Variants in ZNF536 observed in about 807,000 individuals in gnomAD.
The protein encoded by ZNF536 is zinc finger protein 536.
In ZNF536, 13 loss-of-function variants were observed where a neutral mutation model predicts 84.5. That is an observed-to-expected ratio of 0.15 (90% CI 0.10 to 0.24). The LOEUF (loss-of-function observed/expected upper bound fraction) is 0.24, where lower values mean the gene tolerates loss of function less well. Ranked by LOEUF, ZNF536 falls within the 10% of genes least tolerant of loss-of-function variation. The probability of loss-of-function intolerance (pLI) is 1.00; values close to 1 mark genes in which losing one functional copy is unlikely to be tolerated. For missense variants in ZNF536, 1,536 were observed against 1,747.5 expected (o/e 0.88, Z 2.16); for synonymous variants, 811 against 742.5 (o/e 1.09, Z -1.50).
At chr19:30,387,154 G>C (rs1411694809) in intron 1 of ZNF536, among the ~76,000 whole-genome samples, 1 of 152,184 alleles carries the variant, frequency 6.6e-6, no homozygotes, top group South Asian at 2.1e-4. Context: ...CTCACTCATG[G>C]GCTCCAATGT....
At chr19:30,611,405 T>TTA (rs1490281891) in intron 1 of ZNF536, among the ~76,000 whole-genome samples, 1 of 152,168 alleles carries the variant, frequency 6.6e-6, no homozygotes, top group Non-Finnish European at 1.5e-5. Flanking sequence ...CTTATACTCC[T>TTA]TATTATATTG....
At chr19:30,632,610 C>CCAACCAAT (rs1001023067) in intron 1 of ZNF536, among the ~76,000 whole-genome samples, 1 of 148,016 alleles carries the variant, frequency 6.8e-6, no homozygotes, top group African/African-American at 2.5e-5. Context: ...CATCTCAAAA[C>CCAACCAAT]CAACCAATCA....
intron 1 of ZNF536, among the ~76,000 whole-genome samples, chr19:30,660,917 CGCA>C (rs2050099963): frequency 6.6e-6 from 1 of 152,164 alleles, no homozygotes; most frequent in Admixed American, 6.5e-5. Context: ...ATACATGCTC[CGCA>C]GCAGCCTTCT....
At chr19:30,673,746 G>A (rs756698383) in intron 1 of ZNF536, among the ~76,000 whole-genome samples, 2 of 152,158 alleles carry the variant, frequency 1.3e-5, no homozygotes, top group Admixed American at 1.3e-4. Flanking sequence ...AACCGTGCAC[G>A]GACGCACGTC....
chr19:30,590,341 G>C (rs1568581154), intron 1 of ZNF536, among the ~76,000 whole-genome samples: 1 of 152,214 alleles, frequency 6.6e-6, no homozygotes, highest in Non-Finnish European at 1.5e-5. Context: ...TTATGGTCAA[G>C]CTTGTTCCTC....
At chr19:30,683,552 T>A (rs1025798048) in intron 1 of ZNF536, among the ~76,000 whole-genome samples, 5 of 141,830 alleles carry the variant, frequency 3.5e-5, no homozygotes, top group African/African-American at 5.7e-5. Context: ...CCTGAGCGGA[T>A]TTTTTTTTTT....
intron 1 of ZNF536, among the ~76,000 whole-genome samples, chr19:30,643,770 G>C (rs192831785): frequency 3.9e-5 from 6 of 152,060 alleles, no homozygotes; most frequent in African/African-American, 1.4e-4. Flanking sequence ...TGGGAGTTGC[G>C]TTGGGGGGTG....
chr19:30,463,349 C>G (rs2053242506), intron 2 of ZNF536, among the ~76,000 whole-genome samples: 3 of 152,154 alleles, frequency 2.0e-5, no homozygotes, highest in Admixed American at 2.0e-4. Context: ...GGTGGAAGAT[C>G]TGGCTTTTGG....
chr19:30,449,635 C>A (rs1345834496), intron 2 of ZNF536, among the ~76,000 whole-genome samples: 2 of 152,018 alleles, frequency 1.3e-5, no homozygotes, highest in African/African-American at 2.4e-5. Context: ...ATGCATTGAC[C>A]CTCTGTTCAT....
At chr19:30,432,950 T>C (rs534854587) in intron 1 of ZNF536, among the ~76,000 whole-genome samples, 3 of 152,172 alleles carry the variant, frequency 2.0e-5, no homozygotes, top group Admixed American at 6.5e-5. Context: ...GATGAGGCTC[T>C]CCCTGGCAGT....
chr19:30,293,499 T>C (rs1010951181), intron 2 of ZNF536, among the ~76,000 whole-genome samples: 2 of 152,170 alleles, frequency 1.3e-5, no homozygotes, highest in Admixed American at 6.5e-5. Flanking sequence ...CCTTTTATGT[T>C]TGGGAATGCA....
chr19:30,554,631 A>G (rs1042074401), intron 4 of ZNF536: 5 of 152,230 alleles, frequency 3.3e-5, no homozygotes, highest in African/African-American at 1.2e-4. Context: ...AGAGAATAAA[A>G]GTGTTGGCTC....
At chr19:30,370,163 C>G (rs1023085811), upstream of ZNF536, among the ~76,000 whole-genome samples, 1 of 152,208 alleles carries the variant, frequency 6.6e-6, no homozygotes, top group Non-Finnish European at 1.5e-5. Flanking sequence ...GCAACTATGG[C>G]TTGTTCACTC....
At position 30,443,890 on chromosome 19, in the gene ZNF536, A is replaced by G; in HGVS notation, c.328A>G (p.Asn110Asp). 6.2e-7 allele frequency: 1 copy of G among 1,613,664 alleles called. No homozygotes were observed. Among genetic ancestry groups the G allele is most frequent in the East Asian group, 2.2e-5 (1 of 44,874 alleles). ...CTTGCAGCAGTTCCTCAACGGGCAG[A>G]ACCTGGGCATCATGTCCCAGATGAG... Reference protein sequence around the residue: ...VDLQQFLNGQNLGIMSQMSDI... With the variant: ...VDLQQFLNGQDLGIMSQMSDI... Residue 110 changes from asparagine to aspartate, a missense_variant, in exon 2 of 5, where the codon AAC becomes GAC. Transcript: ENST00000355537.
intron 2 of ZNF536, among the ~76,000 whole-genome samples, chr19:30,520,904 C>A: frequency 6.6e-6 from 1 of 152,210 alleles, no homozygotes; most frequent in East Asian, 1.9e-4. Context: ...TTTACAAACA[C>A]ACAGCTCGGA....
chr19:30,696,438 C>T (rs547946885), intron 1 of ZNF536, among the ~76,000 whole-genome samples: 95 of 152,276 alleles, frequency 6.2e-4, no homozygotes, highest in Non-Finnish European at 1.0e-3. Flanking sequence ...TCTTCAAAAA[C>T]GGAATGTAAG....
chr19:30,436,371 C>A, intron 1 of ZNF536: 1 of 377,888 alleles, frequency 2.6e-6, no homozygotes, highest in Non-Finnish European at 3.6e-6. Context: ...ATCTATTAAT[C>A]ATCTGGCAAA....
At chr19:30,566,582 G>A (rs1322013931) in intron 1 of ZNF536, among the ~76,000 whole-genome samples, 9 of 152,266 alleles carry the variant, frequency 5.9e-5, no homozygotes, top group African/African-American at 1.9e-4. Context: ...TGTAAACAAC[G>A]GGGCTGAGAT....
At chr19:30,637,293 T>C (rs547363127) in intron 1 of ZNF536, among the ~76,000 whole-genome samples, 1 of 152,198 alleles carries the variant, frequency 6.6e-6, no homozygotes, top group African/African-American at 2.4e-5. Flanking sequence ...TTGGCATAGC[T>C]GGGTATCATG....
Sources: allele counts gnomAD v4.1 joint callset (sites outside exome capture counted in the v4.1 genomes callset), GRCh38; gene constraint gnomAD v4.1.1; transcripts MANE v1.5; gene names NCBI Gene and HGNC (gene_info 2026-07-23, HGNC 2026-07-21).